ST6GALNAC3: variants seen among roughly 807,000 people sequenced by gnomAD.
ST6GALNAC3 encodes the protein ST6 N-acetylgalactosaminide alpha-2,6-sialyltransferase 3.
Under a neutral mutation model 32.7 loss-of-function variants are expected in ST6GALNAC3, and 25 were observed. The observed-to-expected ratio is 0.76, with a 90% CI of 0.56 to 1.07. The LOEUF (loss-of-function observed/expected upper bound fraction) is 1.07, where lower values mean the gene tolerates loss of function less well. Ranked by LOEUF, ST6GALNAC3 falls within the 50% of genes least tolerant of loss-of-function variation. The pLI, the probability that ST6GALNAC3 is intolerant of heterozygous loss-of-function variation, is 0.00. For synonymous variants in ST6GALNAC3, 129 were observed against 133.1 expected, an observed-to-expected ratio of 0.97 and a Z score of 0.21; for missense variants, 355 against 382.4, an observed-to-expected ratio of 0.93 and a Z score of 0.60.
At position 76,633,843 on chromosome 1, in the gene ST6GALNAC3, A is replaced by G. The variant is rs565916960; in HGVS notation, c.*5037A>G. ...AGTCCATTTATATGATACTGTTAGA[A>G]GTGAAGAATTTTGAAACTACATACA... On this transcript the variant is annotated 3_prime_UTR_variant, in exon 5 of 5. Transcript: ENST00000328299. The G allele has an allele frequency of 6.6e-6, 1 of 152,342 alleles. No individual in the cohort carries two copies. The highest frequency in any genetic ancestry group is 2.4e-5 in the African/African-American group (1 of 41,572). The allele number at this position is 152,342 out of a possible 1,614,324, so 9.4% of individuals were successfully genotyped here. A position where few individuals can be genotyped will look rare whatever the true frequency, so the allele number is the denominator to read the frequency against.
At chr1:76,614,680 C>CT (rs1168182875) in intron 3 of ST6GALNAC3, among the ~76,000 whole-genome samples, 1 of 123,328 alleles carries the variant, frequency 8.1e-6, no homozygotes, top group Non-Finnish European at 1.6e-5. Context: ...GATGGCGCCA[C>CT]TGCGCTCCAG....
At chr1:76,602,314 C>T (rs375660774) in intron 3 of ST6GALNAC3, among the ~76,000 whole-genome samples, 1 of 151,802 alleles carries the variant, frequency 6.6e-6, no homozygotes, top group Non-Finnish European at 1.5e-5. Context: ...TGTGTTCATG[C>T]GCGCACGTGT....
chr1:76,318,416 C>A (rs1356508096), intron 2 of ST6GALNAC3, among the ~76,000 whole-genome samples: 1 of 152,080 alleles, frequency 6.6e-6, no homozygotes, highest in Non-Finnish European at 1.5e-5. Flanking sequence ...AAAATGAGTG[C>A]CAACTAACTG....
At chr1:76,448,350 C>T (rs960864761) in intron 3 of ST6GALNAC3, among the ~76,000 whole-genome samples, 11 of 152,176 alleles carry the variant, frequency 7.2e-5, no homozygotes, top group Admixed American at 3.3e-4. Flanking sequence ...TTTACAGGCT[C>T]ATAGGCAGAA....
intron 1 of ST6GALNAC3, among the ~76,000 whole-genome samples, chr1:76,080,263 A>C (rs763266250): frequency 6.6e-6 from 1 of 151,840 alleles, no homozygotes; most frequent in Non-Finnish European, 1.5e-5. Flanking sequence ...GGTGATCCTT[A>C]AGTGTTTGCT....
At position 76,555,218 on chromosome 1, in the gene ST6GALNAC3, G is replaced by T. The variant is rs545190852; in HGVS notation, c.624-72234G>T. Among the ~76,000 whole-genome samples, 42 of 152,236 alleles carry T rather than the reference G, an allele frequency of 2.8e-4. 2 individuals are homozygous for T. In the South Asian group the frequency reaches 7.9e-3, roughly 29 times the overall value. Reference sequence around the variant, plus strand: ...ATTCACATAGAAAGAAGTTACTAGAGATCTTCAGGAAGATTACAATCTAAT... The same window carrying T: ...ATTCACATAGAAAGAAGTTACTAGATATCTTCAGGAAGATTACAATCTAAT... On this transcript the variant is annotated intron_variant, in intron 3 of 4. Transcript: ENST00000328299.
intron 1 of ST6GALNAC3, among the ~76,000 whole-genome samples, chr1:76,217,653 T>C (rs1332480204): frequency 6.6e-6 from 1 of 152,190 alleles, no homozygotes; most frequent in East Asian, 1.9e-4. Flanking sequence ...GTGTAGTCTT[T>C]TATCCCTCAT....
At chr1:76,488,033 G>A (rs1321420968) in intron 3 of ST6GALNAC3, among the ~76,000 whole-genome samples, 1 of 152,180 alleles carries the variant, frequency 6.6e-6, no homozygotes. Context: ...GGAGGCTGCA[G>A]AACAGAGAAG....
intron 2 of ST6GALNAC3, among the ~76,000 whole-genome samples, chr1:76,400,510 C>G (rs6686196): frequency 6.6e-6 from 1 of 152,194 alleles, no homozygotes; most frequent in African/African-American, 2.4e-5. Context: ...AGTGGGCCTG[C>G]CTCTTCAGGA....
At chr1:76,356,019 G>A (rs1235450143) in intron 2 of ST6GALNAC3, among the ~76,000 whole-genome samples, 2 of 152,078 alleles carry the variant, frequency 1.3e-5, no homozygotes. Flanking sequence ...AATAATTATA[G>A]TGTTGATCAG....
At chr1:76,508,302 G>A (rs1024865174) in intron 3 of ST6GALNAC3, among the ~76,000 whole-genome samples, 17 of 152,274 alleles carry the variant, frequency 1.1e-4, no homozygotes, top group African/African-American at 4.1e-4. Context: ...ATGGAACTCA[G>A]GCAGTAATGC....
At chr1:76,242,351 T>C (rs750286040) in intron 1 of ST6GALNAC3, among the ~76,000 whole-genome samples, 1 of 152,056 alleles carries the variant, frequency 6.6e-6, no homozygotes, top group Non-Finnish European at 1.5e-5. Flanking sequence ...GGGAAGATCT[T>C]AGCGGTCACT....
At chr1:76,625,090 G>T (rs1327575795) in intron 3 of ST6GALNAC3, among the ~76,000 whole-genome samples, 3 of 151,972 alleles carry the variant, frequency 2.0e-5, no homozygotes, top group Admixed American at 6.6e-5. Context: ...TGTTCGAGTA[G>T]CAGCAGAGCT....
At chr1:76,127,838 C>T (rs544642580) in intron 1 of ST6GALNAC3, among the ~76,000 whole-genome samples, 7 of 152,250 alleles carry the variant, frequency 4.6e-5, no homozygotes, top group African/African-American at 1.7e-4. Flanking sequence ...AGGTAGGTGA[C>T]CCTGTGCACA....
At chr1:76,406,746 C>G (rs1653862771) in intron 2 of ST6GALNAC3, among the ~76,000 whole-genome samples, 1 of 151,670 alleles carries the variant, frequency 6.6e-6, no homozygotes, top group African/African-American at 2.4e-5. Flanking sequence ...TTTGATATTC[C>G]ACATTTCCTA....
At chr1:76,103,848 T>C (rs1367117149) in intron 1 of ST6GALNAC3, among the ~76,000 whole-genome samples, 1 of 152,196 alleles carries the variant, frequency 6.6e-6, no homozygotes, top group African/African-American at 2.4e-5. Context: ...GCATTCAGGG[T>C]TCATCTTGAT....
intron 2 of ST6GALNAC3, among the ~76,000 whole-genome samples, chr1:76,376,103 C>CT (rs1284309025): frequency 0.027 from 2,604 of 97,720 alleles, 35 homozygotes; most frequent in Middle Eastern, 0.073. Flanking sequence ...TCCCCTAAAC[C>CT]TTTTTTTTTT....
intron 2 of ST6GALNAC3, among the ~76,000 whole-genome samples, chr1:76,386,451 T>A (rs1251882323): frequency 7.2e-6 from 1 of 139,128 alleles, no homozygotes; most frequent in Non-Finnish European, 1.5e-5. Context: ...TTGCTATTTT[T>A]ATTTCTCAGC....
chr1:76,473,508 A>C (rs919242515), intron 3 of ST6GALNAC3, among the ~76,000 whole-genome samples: 2 of 152,140 alleles, frequency 1.3e-5, no homozygotes, highest in Non-Finnish European at 2.9e-5. Flanking sequence ...TGAGTTATTA[A>C]ATTATCTTCT....
Sources: allele counts gnomAD v4.1 joint callset (sites outside exome capture counted in the v4.1 genomes callset), GRCh38; gene constraint gnomAD v4.1.1; transcripts MANE v1.5; gene names NCBI Gene and HGNC (gene_info 2026-07-23, HGNC 2026-07-21).